The following MSI2 variants were observed in gnomAD, a reference collection of about 807,000 sequenced individuals.
MSI2 encodes musashi RNA binding protein 2.
MSI2 carries 17 observed loss-of-function variants against 45.6 expected under a neutral mutation model. The observed-to-expected ratio is 0.37, with a 90% CI of 0.26 to 0.56. The LOEUF is 0.56. Ranked by LOEUF, MSI2 falls within the 20% of genes least tolerant of loss-of-function variation. MSI2 has a pLI of 0.77. For missense variants in MSI2, 293 were observed against 444.2 expected (o/e 0.66, Z 3.06); for synonymous variants, 156 against 158.2 (o/e 0.99, Z 0.11).
chr17:57,606,845 C>T (rs1225598493), intron 8 of MSI2, among the ~76,000 whole-genome samples: 1 of 148,076 alleles, frequency 6.8e-6, no homozygotes, highest in African/African-American at 2.5e-5. Flanking sequence ...GCAGATAGGC[C>T]TTGAGGGTTG....
chr17:57,325,801 T>A (rs1179596765), intron 5 of MSI2, among the ~76,000 whole-genome samples: 2 of 152,218 alleles, frequency 1.3e-5, no homozygotes, highest in Non-Finnish European at 2.9e-5. Context: ...CCCATACGGA[T>A]GCCTGCCGTA....
intron 6 of MSI2, among the ~76,000 whole-genome samples, chr17:57,527,671 C>T (rs2086733306): frequency 6.6e-6 from 1 of 152,186 alleles, no homozygotes; most frequent in African/African-American, 2.4e-5. Flanking sequence ...GCCCCAGGAG[C>T]CTGTTTGTTC....
the MSI2 span, among the ~76,000 whole-genome samples, chr17:57,698,939 G>T: frequency 7.1e-6 from 1 of 140,992 alleles, no homozygotes; most frequent in East Asian, 2.1e-4. Context: ...GTGTGTGTGT[G>T]TGAAGGTGAG....
chr17:57,286,558 G>A (rs1239550371), intron 5 of MSI2, among the ~76,000 whole-genome samples: 2 of 151,794 alleles, frequency 1.3e-5, no homozygotes, highest in Admixed American at 1.3e-4. Flanking sequence ...AGAGTTTGGC[G>A]TGCCCCTGTT....
chr17:57,596,344 C>T lies in MSI2; in HGVS notation c.455-524C>T, dbSNP rs530482005. 4.6e-5 allele frequency among the ~76,000 whole-genome samples: 7 copies of T among 152,294 alleles called. No individual in the cohort carries two copies. Among genetic ancestry groups the T allele is most frequent in the East Asian group, 1.9e-4 (1 of 5,182 alleles). ...CAGCAGTATAAAAAGGATGCCTGCG[C>T]GGAACAGAGGCCTGAAACTTTTAAT... is the stretch of plus-strand genomic sequence containing the variant. On this transcript the variant is annotated intron_variant, in intron 7 of 13. Transcript: ENST00000284073. This position sits in a 1 kb window ranked among gnomAD's most constrained non-coding sequence, Gnocchi z 4.6.
chr17:57,615,864 A>G (rs1907636593), intron 8 of MSI2, 106 bp from the exon 9 acceptor site: 4 of 828,454 alleles, frequency 4.8e-6, no homozygotes, highest in Admixed American at 4.3e-5. Context: ...TACAGTGGGT[A>G]AGGAGCAAGG....
the MSI2 span, among the ~76,000 whole-genome samples, chr17:57,693,223 C>T: frequency 1.4e-5 from 2 of 146,960 alleles, no homozygotes; most frequent in African/African-American, 2.4e-5. Flanking sequence ...CACTCTGTCG[C>T]CCAGGCCAGA....
At chr17:57,575,032 G>A (rs868186760) in intron 7 of MSI2, among the ~76,000 whole-genome samples, 8 of 152,028 alleles carry the variant, frequency 5.3e-5, no homozygotes, top group Middle Eastern at 3.4e-3. Context: ...GGGTTTCACT[G>A]TGTTAGCCAG....
intron 7 of MSI2, chr17:57,566,136 G>T (rs1598406211): frequency 6.6e-6 from 1 of 152,164 alleles, no homozygotes; most frequent in Non-Finnish European, 1.5e-5. Flanking sequence ...TCGAGAAGTA[G>T]CACGGAAGAC....
chr17:57,381,471 T>A (rs961488056), intron 5 of MSI2, among the ~76,000 whole-genome samples: 4 of 152,224 alleles, frequency 2.6e-5, no homozygotes, highest in East Asian at 1.9e-4. Flanking sequence ...CTCCTAGCCC[T>A]ATGGCCTCTG....
intron 5 of MSI2, chr17:57,264,386 T>G (rs1377392683): frequency 6.6e-6 from 1 of 152,150 alleles, no homozygotes; most frequent in Non-Finnish European, 1.5e-5. Context: ...ATTTATTTAT[T>G]TATTTATTTT....
At chr17:57,668,873 T>C (rs1361992312) in intron 11 of MSI2, among the ~76,000 whole-genome samples, 4 of 152,162 alleles carry the variant, frequency 2.6e-5, no homozygotes, top group Non-Finnish European at 5.9e-5. Flanking sequence ...TGTATAAAAT[T>C]GATTGTCCCT....
At chr17:57,397,534 C>A (rs1598214252) in intron 5 of MSI2, among the ~76,000 whole-genome samples, 1 of 152,228 alleles carries the variant, frequency 6.6e-6, no homozygotes, top group Non-Finnish European at 1.5e-5. Context: ...AACATCCCAG[C>A]CCCATCCCCT....
intron 5 of MSI2, among the ~76,000 whole-genome samples, chr17:57,367,274 T>C (rs1001609402): frequency 4.6e-5 from 7 of 152,200 alleles, no homozygotes; most frequent in African/African-American, 1.7e-4. Context: ...TTTTTCTGAA[T>C]TGTGATTAAA....
intron 5 of MSI2, among the ~76,000 whole-genome samples, chr17:57,327,601 G>C (rs894016355): frequency 5.3e-5 from 8 of 152,204 alleles, no homozygotes; most frequent in Non-Finnish European, 1.2e-4. Flanking sequence ...TGGTGTGTGG[G>C]GGCCCCAATC....
chr17:57,627,036 C>G lies in MSI2; in HGVS notation c.653-193C>G. On this transcript the variant is annotated intron_variant, in intron 9 of 13. Coordinates refer to ENST00000284073, the MANE Select transcript of MSI2 (RefSeq NM_138962.4). This position sits in a 1 kb window ranked among gnomAD's most constrained non-coding sequence, Gnocchi z 4.6. ...TGCCCAAATATGGGTTAATTAGCAA[C>G]AGCTGACAGCAGCGCCCCCGGCCAC... The G allele has an allele frequency of 1.6e-6, 1 of 612,486 alleles. No homozygotes were observed. Among genetic ancestry groups the G allele is most frequent in the Non-Finnish European group, 2.9e-6 (1 of 342,666 alleles). 37.9% of individuals were successfully genotyped at this position (612,486 alleles called of 1,614,324 possible). A position where few individuals can be genotyped will look rare whatever the true frequency, so the allele number is the denominator to read the frequency against.
At chr17:57,303,135 T>C (rs903905659) in intron 5 of MSI2, among the ~76,000 whole-genome samples, 3 of 152,212 alleles carry the variant, frequency 2.0e-5, no homozygotes, top group African/African-American at 7.2e-5. Context: ...GAGGGACCCA[T>C]TGGCCAGGGA....
At chr17:57,540,927 T>C (rs1359941505) in intron 7 of MSI2, among the ~76,000 whole-genome samples, 1 of 152,130 alleles carries the variant, frequency 6.6e-6, no homozygotes, top group African/African-American at 2.4e-5. Flanking sequence ...GTCCCCTTGC[T>C]CACTACTGGC....
intron 5 of MSI2, among the ~76,000 whole-genome samples, chr17:57,293,595 G>GTTTTTTTTTTTT (rs71139983): frequency 8.9e-4 from 119 of 134,430 alleles, no homozygotes; most frequent in East Asian, 1.7e-3. Flanking sequence ...TTGTTTTTTT[G>GTTTTTTTTTTTT]TTTTTTTTTT....
Sources: gnomAD v4.1 joint callset for allele counts (sites outside exome capture counted in the v4.1 genomes callset) on GRCh38, gnomAD v4.1.1 for gene constraint, Gnocchi (gnomAD v3.1) non-coding constraint, MANE v1.5 for transcripts, NCBI Gene and HGNC (gene_info 2026-07-23, HGNC 2026-07-21) for gene names.